Variants in DISC1 observed in about 807,000 individuals in gnomAD.
DISC1 encodes the protein DISC1 scaffold protein.
Under a neutral mutation model 84.5 loss-of-function variants are expected in DISC1, and 57 were observed. The ratio of observed to expected loss-of-function variants is 0.67; its 90% CI spans 0.55 to 0.84. The LOEUF (loss-of-function observed/expected upper bound fraction) is 0.84, where lower values mean the gene tolerates loss of function less well. DISC1 is among the 40% of genes least tolerant of loss of function. The pLI is 0.00. For synonymous variants in DISC1, 411 were observed against 415.2 expected (o/e 0.99, Z 0.12); for missense variants, 1,000 against 1,057.8 (o/e 0.95, Z 0.76).
chr1:231,874,619 T>G (rs893811150), intron 9 of DISC1, among the ~76,000 whole-genome samples: 61 of 151,688 alleles, frequency 4.0e-4, no homozygotes, highest in African/African-American at 1.3e-3. Flanking sequence ...TCTGAATTAT[T>G]AAGAATACCA....
In DISC1 at chr1:231,646,125, G is replaced by A. The variant is rs184762669; in HGVS notation, c.67+19191G>A. On this transcript the variant is annotated intron_variant, in intron 1 of 12. Transcript: ENST00000439617. ...TGATTAACTCGTCATTTAGCATTAG[G>A]TATATCTCCTAATGCTATCCCTCCC... 1.7e-3 allele frequency among the ~76,000 whole-genome samples: 256 copies of A among 150,162 alleles called. 1 individual carries two copies. The highest frequency in any genetic ancestry group is 6.0e-3 in the African/African-American group (245 of 40,836).
chr1:231,946,499 A>G (rs2185632), intron 9 of DISC1, among the ~76,000 whole-genome samples: 22,704 of 152,232 alleles, frequency 0.15, 2,042 homozygotes, highest in Non-Finnish European at 0.21. Context: ...ACCCACAGCC[A>G]ATATTATACT....
chr1:231,660,025 T>C (rs1201735332), intron 1 of DISC1, among the ~76,000 whole-genome samples: 1 of 152,156 alleles, frequency 6.6e-6, no homozygotes, highest in Admixed American at 6.5e-5. Context: ...CCTTACTATC[T>C]TTATTAATTT....
intron 9 of DISC1, among the ~76,000 whole-genome samples, chr1:231,924,228 C>G (rs2090193983): frequency 6.6e-6 from 1 of 152,218 alleles, no homozygotes; most frequent in Non-Finnish European, 1.5e-5. Context: ...AAGCCTGCCT[C>G]CTTTGCGGGT....
chr1:231,702,543 A>G, intron 3 of DISC1: 1 of 985,690 alleles, frequency 1.0e-6, no homozygotes, highest in Non-Finnish European at 1.2e-6. Context: ...GGTCACATGC[A>G]TCAAATTTCC....
intron 9 of DISC1, among the ~76,000 whole-genome samples, chr1:231,914,569 A>G (rs1161434836): frequency 2.6e-5 from 4 of 152,150 alleles, no homozygotes; most frequent in African/African-American, 9.7e-5. Context: ...TATTGTCCCC[A>G]CCACAGGAAG....
chr1:231,836,476 G>A (rs192512546), intron 9 of DISC1, among the ~76,000 whole-genome samples: 1 of 152,238 alleles, frequency 6.6e-6, no homozygotes, highest in East Asian at 1.9e-4. Context: ...CTGCATAAAC[G>A]ATATACAGCA....
chr1:231,800,374 A>G (rs2079135500), intron 8 of DISC1, among the ~76,000 whole-genome samples, 164 bp downstream of exon 8: 1 of 152,156 alleles, frequency 6.6e-6, no homozygotes, highest in Non-Finnish European at 1.5e-5. Context: ...AATATAGCAC[A>G]AGGTGTTTAA....
intron 3 of DISC1, among the ~76,000 whole-genome samples, chr1:231,710,521 T>C (rs2067688294): frequency 6.6e-6 from 1 of 152,216 alleles, no homozygotes; most frequent in Non-Finnish European, 1.5e-5. Context: ...TGTCTTAGTC[T>C]GCTTGGACTG....
At chr1:231,787,356 A>G (rs2077960461) in intron 6 of DISC1, among the ~76,000 whole-genome samples, 1 of 152,018 alleles carries the variant, frequency 6.6e-6, no homozygotes, top group Non-Finnish European at 1.5e-5. Context: ...GCATCATCCC[A>G]TGGCAGGAAG....
chr1:231,902,016 T>C (rs1230883825), intron 9 of DISC1, among the ~76,000 whole-genome samples: 1 of 151,934 alleles, frequency 6.6e-6, no homozygotes, highest in Non-Finnish European at 1.5e-5. Flanking sequence ...GAATATTTAT[T>C]ATATTTATCA....
intron 10 of DISC1, among the ~76,000 whole-genome samples, chr1:231,985,092 G>T (rs1352017731): frequency 1.3e-5 from 2 of 152,094 alleles, no homozygotes; most frequent in Admixed American, 1.3e-4. Flanking sequence ...AGGCCAAGGT[G>T]GGTGGGTCAC....
At chr1:231,723,417 G>T (rs1174702041) in intron 3 of DISC1, 1 of 985,574 alleles carries the variant, frequency 1.0e-6, no homozygotes, top group Non-Finnish European at 1.2e-6. Context: ...AATTATTGCT[G>T]TGAGATCAGG....
intron 3 of DISC1, among the ~76,000 whole-genome samples, chr1:231,745,065 T>A (rs907122728): frequency 1.3e-5 from 2 of 149,982 alleles, no homozygotes; most frequent in Non-Finnish European, 3.0e-5. Context: ...AATAAAAAAA[T>A]TTAATATCTT....
intron 10 of DISC1, among the ~76,000 whole-genome samples, chr1:231,977,883 G>C (rs558251994): frequency 6.6e-6 from 1 of 152,242 alleles, no homozygotes; most frequent in East Asian, 1.9e-4. Context: ...CAGTGTTTCA[G>C]TTTTACCTAA....
chr1:231,955,646 C>T (rs936958546), intron 9 of DISC1, among the ~76,000 whole-genome samples: 30 of 152,162 alleles, frequency 2.0e-4, no homozygotes, highest in South Asian at 8.3e-4. Context: ...CCCACCACCA[C>T]GCCCAGCCAA....
chr1:232,024,348 T>G (rs1262029663), intron 11 of DISC1, among the ~76,000 whole-genome samples: 2 of 152,188 alleles, frequency 1.3e-5, no homozygotes, highest in Non-Finnish European at 1.5e-5. Context: ...ACTATTTTAT[T>G]CTAAGGTAGT....
At chr1:231,938,784 G>A (rs1048219831) in intron 9 of DISC1, among the ~76,000 whole-genome samples, 1 of 152,188 alleles carries the variant, frequency 6.6e-6, no homozygotes, top group South Asian at 2.1e-4. Context: ...ACTGACAGCC[G>A]GTCCCTATTC....
At chr1:231,855,252 CAA>C in intron 9 of DISC1, 2 of 972,460 alleles carry the variant, frequency 2.1e-6, no homozygotes, top group Non-Finnish European at 2.4e-6. Context: ...TAAAGAATCA[CAA>C]GAGTGTCTCA....
Sources: allele counts gnomAD v4.1 joint callset (sites outside exome capture counted in the v4.1 genomes callset), GRCh38; gene constraint gnomAD v4.1.1; transcripts MANE v1.5; gene names NCBI Gene and HGNC (gene_info 2026-07-23, HGNC 2026-07-21).